The following CTNNA3 variants were observed in gnomAD, a reference collection of about 807,000 sequenced individuals.
CTNNA3 encodes the protein catenin alpha 3.
Under a neutral mutation model 95.7 loss-of-function variants are expected in CTNNA3, and 76 were observed. The observed-to-expected ratio is 0.79, with a 90% confidence interval of 0.66 to 0.96. The LOEUF (loss-of-function observed/expected upper bound fraction) is 0.96. Among genes scored for constraint, CTNNA3 ranks in the 40% least tolerant of loss-of-function variants. The probability of loss-of-function intolerance (pLI) is 0.00; values close to 1 mark genes in which losing one functional copy is unlikely to be tolerated. For synonymous variants in CTNNA3, 431 were observed against 374.4 expected, an observed-to-expected ratio of 1.15 and a Z score of -1.74; for missense variants, 1,191 against 1,089.8, an observed-to-expected ratio of 1.09 and a Z score of -1.31.
intron 11 of CTNNA3, among the ~76,000 whole-genome samples, chr10:66,444,444 A>T (rs1374141397): frequency 6.6e-6 from 1 of 152,180 alleles, no homozygotes; most frequent in Admixed American, 6.5e-5. Context: ...GTTACCCACA[A>T]AGGGAAAGCC....
At chr10:66,874,503 A>G (rs529847482) in intron 7 of CTNNA3, among the ~76,000 whole-genome samples, 213 of 152,336 alleles carry the variant, frequency 1.4e-3, no homozygotes, top group African/African-American at 5.0e-3. Flanking sequence ...TCTAACATCC[A>G]GTTGATTGCC....
intron 7 of CTNNA3, among the ~76,000 whole-genome samples, chr10:67,160,881 C>T (rs1359153453): frequency 6.6e-6 from 1 of 152,116 alleles, no homozygotes; most frequent in Non-Finnish European, 1.5e-5. Context: ...ACTGTGACAA[C>T]ATGAATGAAT....
chr10:66,372,148 T>C (rs2092759131), intron 12 of CTNNA3, among the ~76,000 whole-genome samples: 1 of 152,194 alleles, frequency 6.6e-6, no homozygotes, highest in Non-Finnish European at 1.5e-5. Context: ...CCTGTGTTTT[T>C]CTGCCTAATT....
intron 15 of CTNNA3, among the ~76,000 whole-genome samples, chr10:65,997,948 G>A (rs1157341043): frequency 6.6e-6 from 1 of 152,154 alleles, no homozygotes; most frequent in Non-Finnish European, 1.5e-5. Context: ...TCAGGAGGCA[G>A]AGGTTGCGGC....
intron 5 of CTNNA3, among the ~76,000 whole-genome samples, chr10:67,393,463 G>C (rs903903521): frequency 6.6e-6 from 1 of 152,090 alleles, no homozygotes; most frequent in African/African-American, 2.4e-5. Context: ...ATTCTGCATG[G>C]TCAGCATACA....
At chr10:67,546,811 C>T (rs1024906748) in intron 3 of CTNNA3, among the ~76,000 whole-genome samples, 1 of 152,072 alleles carries the variant, frequency 6.6e-6, no homozygotes, top group Non-Finnish European at 1.5e-5. Flanking sequence ...GTTAATTTAT[C>T]ATTTTTTCTA....
chr10:66,508,585 T>C (rs1007435239), intron 11 of CTNNA3, among the ~76,000 whole-genome samples: 1 of 152,112 alleles, frequency 6.6e-6, no homozygotes, highest in East Asian at 1.9e-4. Context: ...TTTATACTAC[T>C]TTAACTGTGG....
intron 5 of CTNNA3, among the ~76,000 whole-genome samples, chr10:67,435,361 C>T (rs1422929474): frequency 2.6e-5 from 4 of 151,890 alleles, no homozygotes; most frequent in African/African-American, 7.3e-5. Context: ...CTGTGACAAA[C>T]CCACAGCCAA....
At chr10:66,309,852 G>C (rs1397408299) in intron 12 of CTNNA3, among the ~76,000 whole-genome samples, 2 of 150,376 alleles carry the variant, frequency 1.3e-5, no homozygotes, top group Non-Finnish European at 3.0e-5. Context: ...GAAGTCAGGA[G>C]TTCGAGACCA....
intron 13 of CTNNA3, among the ~76,000 whole-genome samples, chr10:66,105,446 C>G (rs1291427278): frequency 6.6e-6 from 1 of 152,174 alleles, no homozygotes; most frequent in Admixed American, 6.5e-5. Flanking sequence ...TCTGGTGTCC[C>G]TACTGTGATC....
chr10:66,897,958 T>A (rs957105477), intron 7 of CTNNA3, among the ~76,000 whole-genome samples: 1 of 152,000 alleles, frequency 6.6e-6, no homozygotes, highest in Non-Finnish European at 1.5e-5. Flanking sequence ...CCTGGTCAGG[T>A]CAGAAAATAT....
In CTNNA3 at chr10:65,954,818, A is replaced by G. The variant is rs540712117; in HGVS notation, c.2400+11794T>C. 3.3e-5 allele frequency among the ~76,000 whole-genome samples: 5 copies of G among 152,288 alleles called. No individual in the cohort carries two copies. In the East Asian group the frequency reaches 9.6e-4, roughly 29 times the overall value. ...GTAGCATAGTTTGAAGTCAGGTAGC[A>G]TGATGCCTCCAGCTTTGTTCTTTTG... On this transcript the variant is annotated intron_variant, in intron 17 of 17. Transcript: ENST00000433211.
intron 11 of CTNNA3, among the ~76,000 whole-genome samples, chr10:66,431,279 C>T (rs191275186): frequency 1.3e-5 from 2 of 152,252 alleles, no homozygotes; most frequent in Admixed American, 1.3e-4. Context: ...GAAATAGGAA[C>T]ACTTTTATAC....
rs567314466 is a variant in CTNNA3 at position 66,867,776 on chromosome 10, A to G, written c.1048-92252T>C. ...GAGTCTACTATATCTCTTAAAATCA[A>G]TATTTTTCAATGTACAGATACACAT... On this transcript the variant is annotated intron_variant, in intron 7 of 17. Coordinates refer to ENST00000433211, the MANE Select transcript of CTNNA3 (RefSeq NM_013266.4). 1.8e-4 allele frequency among the ~76,000 whole-genome samples: 27 copies of G among 151,866 alleles called. 1 individual carries two copies. The South Asian group carries it at 5.4e-3, about 30-fold the overall frequency.
intron 10 of CTNNA3, among the ~76,000 whole-genome samples, chr10:66,526,115 T>C (rs1296868513): frequency 2.6e-5 from 4 of 152,148 alleles, no homozygotes; most frequent in African/African-American, 7.2e-5. Context: ...ATGACCATTG[T>C]TGTACAAATG....
At chr10:67,208,273 G>A (rs147268539) in intron 6 of CTNNA3, among the ~76,000 whole-genome samples, 3,596 of 151,532 alleles carry the variant, frequency 0.024, 54 homozygotes, top group Non-Finnish European at 0.036. Flanking sequence ...TCAGCTACTC[G>A]GGAAGCTGAG....
intron 6 of CTNNA3, among the ~76,000 whole-genome samples, chr10:67,212,311 C>A (rs868399356): frequency 6.6e-6 from 1 of 151,920 alleles, no homozygotes; most frequent in Admixed American, 6.6e-5. Context: ...CTCAATATTG[C>A]ATAAATCATT....
At chr10:66,490,174 T>C (rs1589324297) in intron 11 of CTNNA3, among the ~76,000 whole-genome samples, 1 of 152,298 alleles carries the variant, frequency 6.6e-6, no homozygotes, top group Admixed American at 6.5e-5. Context: ...AGCCATAACC[T>C]CTGAAGCCTT....
At chr10:67,498,935 T>C (rs1275949417) in intron 5 of CTNNA3, among the ~76,000 whole-genome samples, 1 of 152,184 alleles carries the variant, frequency 6.6e-6, no homozygotes, top group Non-Finnish European at 1.5e-5. Flanking sequence ...TTTCTTTCTC[T>C]TGCCTGATTG....
Sources: allele counts gnomAD v4.1 joint callset (sites outside exome capture counted in the v4.1 genomes callset), GRCh38; gene constraint gnomAD v4.1.1; transcripts MANE v1.5; gene names NCBI Gene and HGNC (gene_info 2026-07-23, HGNC 2026-07-21).